The following BCKDHB variants were observed in gnomAD, a reference collection of about 807,000 sequenced individuals.
BCKDHB encodes branched chain keto acid dehydrogenase E1 subunit beta, also known as 2-oxoisovalerate dehydrogenase subunit beta, mitochondrial.
BCKDHB carries 41 observed loss-of-function variants against 48.5 expected under a neutral mutation model. The observed-to-expected ratio is 0.85, with a 90% CI of 0.66 to 1.10. The LOEUF is 1.10. Among genes scored for constraint, BCKDHB ranks in the 50% least tolerant of loss-of-function variants. The pLI is 0.00. For missense variants in BCKDHB, 496 were observed against 494.2 expected, an observed-to-expected ratio of 1.00 and a Z score of -0.03; for synonymous variants, 201 against 174.8, an observed-to-expected ratio of 1.15 and a Z score of -1.18.
chr6:80,218,182 C>T (rs1775258373), intron 8 of BCKDHB, among the ~76,000 whole-genome samples: 1 of 152,038 alleles, frequency 6.6e-6, no homozygotes, highest in Non-Finnish European at 1.5e-5. Flanking sequence ...GGAAAATGGA[C>T]TTTTCCTTGC....
At chr6:80,115,002 T>G (rs1307286697) in intron 1 of BCKDHB, among the ~76,000 whole-genome samples, 1 of 152,202 alleles carries the variant, frequency 6.6e-6, no homozygotes, top group African/African-American at 2.4e-5. Context: ...AACTTTACAG[T>G]TTTGTTCCTG....
intron 5 of BCKDHB, among the ~76,000 whole-genome samples, chr6:80,170,589 G>T (rs1385366473): frequency 6.6e-6 from 1 of 152,136 alleles, no homozygotes; most frequent in Non-Finnish European, 1.5e-5. Context: ...ACCTAGTGGG[G>T]TTGCTATGAA....
At chr6:80,433,898 G>A in the BCKDHB span, among the ~76,000 whole-genome samples, 262 of 152,202 alleles carry the variant, frequency 1.7e-3, no homozygotes, top group African/African-American at 5.9e-3. Context: ...ATCATATTTG[G>A]AAATTTTTTT....
intron 6 of BCKDHB, among the ~76,000 whole-genome samples, chr6:80,199,651 C>G (rs930125245): frequency 1.3e-5 from 2 of 151,272 alleles, no homozygotes; most frequent in African/African-American, 4.9e-5. Context: ...GTGGTGCGTG[C>G]CTGTAATCCC....
At chr6:80,235,169 A>G (rs1353300788) in intron 8 of BCKDHB, among the ~76,000 whole-genome samples, 1 of 152,212 alleles carries the variant, frequency 6.6e-6, no homozygotes, top group Non-Finnish European at 1.5e-5. Context: ...CAATGTTCCT[A>G]ACACAAGGAA....
intron 9 of BCKDHB, among the ~76,000 whole-genome samples, chr6:80,322,268 G>A (rs1424237695): frequency 4.0e-5 from 5 of 124,598 alleles, no homozygotes; most frequent in Non-Finnish European, 6.5e-5. Context: ...TGACGGAGTC[G>A]CACTTTGTTG....
chr6:80,202,488 G>A lies in BCKDHB; in HGVS notation c.841-614G>A, dbSNP rs151158562. Among the ~76,000 whole-genome samples the A allele has an allele frequency of 1.6e-3, 243 of 151,976 alleles. 1 individual carries two copies. The highest frequency in any genetic ancestry group is 5.6e-3 in the African/African-American group (234 of 41,472). On this transcript the variant is annotated intron_variant, in intron 7 of 9. Coordinates refer to ENST00000320393, the MANE Select transcript of BCKDHB (RefSeq NM_183050.4). ...TTCTTAAATTCATTATATTTTTGTA[G>A]CTGTGAGTTCTATTCCCACTAATTT... is the stretch of plus-strand genomic sequence containing the variant.
chr6:80,442,170 A>G, the BCKDHB span, among the ~76,000 whole-genome samples: 1 of 152,142 alleles, frequency 6.6e-6, no homozygotes, highest in African/African-American at 2.4e-5. Context: ...CCACACAATG[A>G]CAGTTAGTGT....
the BCKDHB span, chr6:80,443,386 TC>T: frequency 4.0e-4 from 60 of 151,220 alleles, no homozygotes; most frequent in Non-Finnish European, 1.5e-5. Context: ...GCTGGGACCA[TC>T]CCTGACTCTC....
the BCKDHB span, among the ~76,000 whole-genome samples, chr6:80,378,029 GTCT>G: frequency 6.6e-6 from 1 of 152,092 alleles, no homozygotes; most frequent in Non-Finnish European, 1.5e-5. Flanking sequence ...CAGAGTATAA[GTCT>G]TCTCCTTTGA....
At chr6:80,328,695 T>C (rs1341279) in intron 9 of BCKDHB, among the ~76,000 whole-genome samples, 47,926 of 152,000 alleles carry the variant, frequency 0.32, 7,802 homozygotes, top group African/African-American at 0.38. Flanking sequence ...TGCCTTCATT[T>C]TTAGACTAAC....
At chr6:80,193,351 T>C (rs980032766) in intron 6 of BCKDHB, among the ~76,000 whole-genome samples, 1 of 152,188 alleles carries the variant, frequency 6.6e-6, no homozygotes, top group Admixed American at 6.5e-5. Context: ...GAAAACATTA[T>C]CCTCTGAAAC....
chr6:80,297,786 C>CAA (rs1767330603), intron 9 of BCKDHB, among the ~76,000 whole-genome samples: 1 of 152,156 alleles, frequency 6.6e-6, no homozygotes, highest in Non-Finnish European at 1.5e-5. Context: ...CTGCCATTAG[C>CAA]TAGCCCCAAA....
the BCKDHB span, among the ~76,000 whole-genome samples, chr6:80,457,975 A>G: frequency 2.6e-5 from 4 of 152,222 alleles, no homozygotes; most frequent in Admixed American, 6.5e-5. Flanking sequence ...TGAAGCTTGT[A>G]TATAGACATA....
intron 9 of BCKDHB, among the ~76,000 whole-genome samples, chr6:80,291,890 G>A (rs1766934719): frequency 1.3e-5 from 2 of 152,138 alleles, no homozygotes; most frequent in African/African-American, 4.8e-5. Flanking sequence ...TGTATAAAGT[G>A]CAGCAAGAAT....
chr6:80,308,729 G>A (rs2127995377), intron 9 of BCKDHB, among the ~76,000 whole-genome samples: 2 of 151,824 alleles, frequency 1.3e-5, no homozygotes, highest in South Asian at 2.1e-4. Flanking sequence ...CGAGTAGCTG[G>A]GACTACAGGC....
intron 9 of BCKDHB, among the ~76,000 whole-genome samples, chr6:80,313,607 C>T (rs1196236967): frequency 1.3e-5 from 2 of 152,118 alleles, no homozygotes; most frequent in African/African-American, 4.8e-5. Context: ...GTGATCTGCC[C>T]ACCTCAGCCT....
At chr6:80,258,346 A>G (rs1362287420) in intron 8 of BCKDHB, among the ~76,000 whole-genome samples, 1 of 152,164 alleles carries the variant, frequency 6.6e-6, no homozygotes, top group Non-Finnish European at 1.5e-5. Context: ...TCACATTTTC[A>G]GGGGTTTGAA....
rs150668428 is a variant in BCKDHB, at chr6:80,146,146, G to T, written c.343+16917G>T. Among the ~76,000 whole-genome samples, 265 of 152,222 alleles carry T rather than the reference G, an allele frequency of 1.7e-3. 1 individual carries two copies. Among genetic ancestry groups the T allele is most frequent in the African/African-American group, 6.0e-3 (251 of 41,564 alleles). ...ATGGAATGTGGCCAGGGTGTTGGAG[G>T]TTTAAAAGGTCCCCAAGTGATTCAA... is the stretch of plus-strand genomic sequence containing the variant. On this transcript the variant is annotated intron_variant, in intron 3 of 9. Transcript: ENST00000320393.
Sources: allele counts gnomAD v4.1 joint callset (sites outside exome capture counted in the v4.1 genomes callset), GRCh38; gene constraint gnomAD v4.1.1; transcripts MANE v1.5; gene names NCBI Gene and HGNC (gene_info 2026-07-23, HGNC 2026-07-21).